Variants in DNAJC3 observed in about 807,000 individuals in gnomAD.
DNAJC3 encodes DnaJ heat shock protein family (Hsp40) member C3, also known as dnaJ homolog subfamily C member 3.
A neutral mutation model predicts 68.6 loss-of-function variants in DNAJC3; 38 were observed. The observed-to-expected ratio is 0.55, with a 90% CI of 0.43 to 0.73. DNAJC3 has a LOEUF of 0.73. DNAJC3 is among the 30% of genes least tolerant of loss of function. The pLI is 0.00. For missense variants in DNAJC3, 526 were observed against 591.9 expected (o/e 0.89, Z 1.16); for synonymous variants, 203 against 204.0 (o/e 1.00, Z 0.04).
Position 95,760,235 on chromosome 13 carries a change from A to G in DNAJC3, c.728+14A>G. 2 of 1,524,330 alleles carry G rather than the reference A, an allele frequency of 1.3e-6. No individual in the cohort carries two copies. The highest frequency in any genetic ancestry group is 8.8e-7 in the Non-Finnish European group (1 of 1,136,230). 94.4% of individuals were successfully genotyped at this position (1,524,330 alleles called of 1,614,324 possible). A position where few individuals can be genotyped will look rare whatever the true frequency, so the allele number is the denominator to read the frequency against. ...ACTGTCCCTCAGGTCAGTTCTAGTGACACACATGTCTGATCTTTTTTAATT... is the reference window on the plus strand; with the variant it reads ...ACTGTCCCTCAGGTCAGTTCTAGTGGCACACATGTCTGATCTTTTTTAATT... On this transcript the variant is annotated intron_variant, in intron 6 of 11. Coordinates refer to ENST00000602402, the MANE Select transcript of DNAJC3 (RefSeq NM_006260.5).
chr13:95,712,847 A>C (rs924098470), intron 2 of DNAJC3, among the ~76,000 whole-genome samples: 1 of 152,200 alleles, frequency 6.6e-6, no homozygotes, highest in Non-Finnish European at 1.5e-5. Flanking sequence ...AGTGGGAAGT[A>C]ATTTAATCAC....
chr13:95,691,411 C>T (rs1306330261), intron 1 of DNAJC3, among the ~76,000 whole-genome samples: 2 of 151,628 alleles, frequency 1.3e-5, no homozygotes, highest in Non-Finnish European at 2.9e-5. Flanking sequence ...CCTCACATCC[C>T]GGACGGGGCG....
chr13:95,763,610 A>G (rs1362658579), intron 7 of DNAJC3, 33 bp from the exon 8 acceptor site: 5 of 1,600,374 alleles, frequency 3.1e-6, no homozygotes, highest in East Asian at 2.2e-5. Flanking sequence ...ATCAAATGTC[A>G]TCATTTCTTA....
At chr13:95,723,477 G>C in intron 3 of DNAJC3, 111 bp downstream of exon 3, 1 of 1,235,332 alleles carries the variant, frequency 8.1e-7, no homozygotes, top group Non-Finnish European at 1.1e-6. Flanking sequence ...AGAGATCAAA[G>C]CTACAGTGAT....
chr13:95,790,342 G>A (rs967376850), intron 11 of DNAJC3, among the ~76,000 whole-genome samples: 2 of 152,108 alleles, frequency 1.3e-5, no homozygotes, highest in South Asian at 2.1e-4. Context: ...CAGAGGCCCC[G>A]CTGTGGGGGC....
In DNAJC3 at chr13:95,764,375, C is replaced by CTATATA. The variant is rs61150940; in HGVS notation, c.1075+437_1075+442dup. ...TCTCTCTCTCTCTCTCTCTCTCTCT[C>CTATATA]TATATATATATATATATATACTCGG... On this transcript the variant is annotated intron_variant, in intron 9 of 11. Transcript: ENST00000602402. Among the ~76,000 whole-genome samples the CTATATA allele has an allele frequency of 8.5e-3, 1,056 of 123,968 alleles. 16 individuals are homozygous for CTATATA. The highest frequency in any genetic ancestry group is 0.032 in the African/African-American group (975 of 30,810). 81.3% of individuals were successfully genotyped at this position (123,968 alleles called of 152,430 possible). A position where few individuals can be genotyped will look rare whatever the true frequency, so the allele number is the denominator to read the frequency against.
intron 11 of DNAJC3, 92 bp from the exon 12 acceptor site, chr13:95,790,781 G>T (rs1883743816): frequency 1.4e-6 from 2 of 1,380,884 alleles, no homozygotes; most frequent in Non-Finnish European, 2.0e-6. Context: ...AGCTCCTCAA[G>T]CCCACCCACC....
intron 11 of DNAJC3, 51 bp from the exon 12 acceptor site, chr13:95,790,821 GC>G (rs1413074977): frequency 1.3e-6 from 2 of 1,554,792 alleles, no homozygotes; most frequent in Admixed American, 4.0e-5. Flanking sequence ...CATTCCCCCT[GC>G]CCCTATACCT....
chr13:95,680,742 A>G (rs1232905255), intron 1 of DNAJC3, among the ~76,000 whole-genome samples: 3 of 152,142 alleles, frequency 2.0e-5, no homozygotes, highest in African/African-American at 4.8e-5. Context: ...TTATTTTCCC[A>G]TATGAAGTTA....
At chr13:95,729,222 C>G (rs1421880791) in intron 4 of DNAJC3, among the ~76,000 whole-genome samples, 1 of 125,676 alleles carries the variant, frequency 8.0e-6, no homozygotes, top group Non-Finnish European at 1.7e-5. Flanking sequence ...TCTTTTCCCC[C>G]GCCCTCTCCC....
intron 4 of DNAJC3, among the ~76,000 whole-genome samples, chr13:95,750,809 CCCAATTAT>C (rs1422202312): frequency 6.6e-6 from 1 of 152,052 alleles, no homozygotes; most frequent in African/African-American, 2.4e-5. Flanking sequence ...CCACACCTGG[CCCAATTAT>C]TCAATTTGTC....
intron 4 of DNAJC3, among the ~76,000 whole-genome samples, chr13:95,728,003 G>A (rs1172431549): frequency 1.3e-5 from 2 of 152,086 alleles, no homozygotes; most frequent in Non-Finnish European, 2.9e-5. Flanking sequence ...GGAATCAAAT[G>A]TTATACAAAA....
chr13:95,781,798 T>C (rs1334613446), intron 9 of DNAJC3, among the ~76,000 whole-genome samples: 1 of 151,824 alleles, frequency 6.6e-6, no homozygotes, highest in Non-Finnish European at 1.5e-5. Flanking sequence ...AAACATTGGA[T>C]GTGTGTGTGT....
intron 9 of DNAJC3, among the ~76,000 whole-genome samples, chr13:95,770,310 A>G (rs936390631): frequency 3.9e-5 from 6 of 152,210 alleles, no homozygotes; most frequent in African/African-American, 1.2e-4. Context: ...GAAACAGACT[A>G]AGTATATGAA....
At chr13:95,694,883 G>A (rs900646409) in intron 1 of DNAJC3, 2 of 152,510 alleles carry the variant, frequency 1.3e-5, no homozygotes, top group East Asian at 3.9e-4. Context: ...TATATTATGG[G>A]TCACTTATGT....
intron 11 of DNAJC3, among the ~76,000 whole-genome samples, chr13:95,787,427 G>A (rs1163235223): frequency 6.6e-6 from 1 of 152,112 alleles, no homozygotes; most frequent in African/African-American, 2.4e-5. Flanking sequence ...GAACTTTTTG[G>A]TCTCAGTTTT....
chr13:95,732,174 A>G (rs995623723), intron 4 of DNAJC3, among the ~76,000 whole-genome samples: 1 of 152,148 alleles, frequency 6.6e-6, no homozygotes, highest in African/African-American at 2.4e-5. Context: ...TTTGGCTTCA[A>G]GGTAATTCTG....
chr13:95,684,766 C>T (rs767930074), intron 1 of DNAJC3, among the ~76,000 whole-genome samples: 5 of 152,238 alleles, frequency 3.3e-5, no homozygotes, highest in African/African-American at 7.2e-5. Context: ...CTAGTTACTC[C>T]AGCTCCAGCC....
At position 95,750,444 on chromosome 13, in the gene DNAJC3, A is replaced by G. The variant is rs35782001; in HGVS notation, c.394-7200A>G. On this transcript the variant is annotated intron_variant, in intron 4 of 11. Coordinates refer to ENST00000602402, the MANE Select transcript of DNAJC3 (RefSeq NM_006260.5). ...ATTGATCTCCATCGTCATCTATAGC[A>G]TGGGCTTTAGAGATAGAGACCTTAG... Among the ~76,000 whole-genome samples the G allele has an allele frequency of 6.7e-3, 1,027 of 152,250 alleles. 4 individuals carry two copies. The highest frequency in any genetic ancestry group is 0.011 in the Non-Finnish European group (720 of 68,012).
Sources: allele counts gnomAD v4.1 joint callset (sites outside exome capture counted in the v4.1 genomes callset), GRCh38; gene constraint gnomAD v4.1.1; transcripts MANE v1.5; gene names NCBI Gene and HGNC (gene_info 2026-07-23, HGNC 2026-07-21).